The following TMEM132B variants were observed in gnomAD, a reference collection of about 807,000 sequenced individuals.
The protein encoded by TMEM132B is transmembrane protein 132B.
Under a neutral mutation model 90.8 loss-of-function variants are expected in TMEM132B, and 18 were observed. That is an observed-to-expected ratio of 0.20 (90% CI 0.14 to 0.29). The LOEUF (loss-of-function observed/expected upper bound fraction) is 0.29, where lower values mean the gene tolerates loss of function less well. Ranked by LOEUF, TMEM132B falls within the 10% of genes least tolerant of loss-of-function variation. The pLI is 1.00. For missense variants in TMEM132B, 1,096 were observed against 1,326.8 expected (o/e 0.83, Z 2.70); for synonymous variants, 504 against 523.3 (o/e 0.96, Z 0.50).
At chr12:125,643,927 C>A (rs920676505) in intron 5 of TMEM132B, 149 bp from the exon 6 acceptor site, 3 of 676,308 alleles carry the variant, frequency 4.4e-6, no homozygotes, top group Non-Finnish European at 5.0e-6. Context: ...TTAGTGCCTA[C>A]AAATTACCTT....
intron 6 of TMEM132B, among the ~76,000 whole-genome samples, chr12:125,649,106 C>T (rs149772836): frequency 8.5e-5 from 13 of 152,288 alleles, no homozygotes; most frequent in East Asian, 3.9e-4. Flanking sequence ...CTCTTACTCA[C>T]GGAGATACTC....
At position 125,548,248 on chromosome 12, in the gene TMEM132B, G is replaced by T. The variant is rs181879071; in HGVS notation, c.1293+28623G>T. 7.2e-5 allele frequency among the ~76,000 whole-genome samples: 11 copies of T among 152,234 alleles called. 1 individual carries two copies. The East Asian group carries it at 2.1e-3, about 29-fold the overall frequency. Reference sequence around the variant, plus strand: ...ATGTCACTTCTTTTCACAACTCATTGGTGTTAACAGTCACAGGCCTCCCCT... The same window carrying T: ...ATGTCACTTCTTTTCACAACTCATTTGTGTTAACAGTCACAGGCCTCCCCT... On this transcript the variant is annotated intron_variant, in intron 4 of 8. Coordinates refer to ENST00000682704, the MANE Select transcript of TMEM132B (RefSeq NM_001366854.1).
intron 2 of TMEM132B, among the ~76,000 whole-genome samples, chr12:125,411,171 GGAGTGGAGT>G (rs1879822836): frequency 1.7e-5 from 2 of 116,672 alleles, no homozygotes; most frequent in East Asian, 2.8e-4. Flanking sequence ...GGAGTGGAGT[GGAGTGGAGT>G]GAGTGGAGGA....
chr12:125,603,750 C>G (rs1334235521), intron 5 of TMEM132B, among the ~76,000 whole-genome samples: 1 of 152,026 alleles, frequency 6.6e-6, no homozygotes, highest in South Asian at 2.1e-4. Context: ...ATCAAATTTA[C>G]AAGAAAAAAA....
At chr12:125,248,000 G>T (rs142199548) in intron 1 of TMEM132B, among the ~76,000 whole-genome samples, 58 of 152,326 alleles carry the variant, frequency 3.8e-4, no homozygotes, top group African/African-American at 1.3e-3. Flanking sequence ...TGTGGCTTTG[G>T]ATTAGCGCAT....
At chr12:125,419,153 C>G (rs772574410) in intron 3 of TMEM132B, among the ~76,000 whole-genome samples, 8 of 152,172 alleles carry the variant, frequency 5.3e-5, no homozygotes, top group African/African-American at 1.9e-4. Context: ...AGAGGATAGG[C>G]AAGCAAAAGC....
At position 125,287,936 on chromosome 12, in the gene TMEM132B, C is replaced by T. The variant is rs190644220; in HGVS notation, c.68-61516C>T. On this transcript the variant is annotated intron_variant, in intron 1 of 8. Transcript: ENST00000682704. Reference sequence around the variant, plus strand: ...AGGCTGGAGTGCAATGGCGCGATCTCGGCTCACTGCAACCTCTGCCTCCCG... The same window carrying T: ...AGGCTGGAGTGCAATGGCGCGATCTTGGCTCACTGCAACCTCTGCCTCCCG... 6.4e-3 allele frequency among the ~76,000 whole-genome samples: 971 copies of T among 152,108 alleles called. 7 individuals are homozygous for T. Among genetic ancestry groups the T allele is most frequent in the Admixed American group, 0.013 (198 of 15,288 alleles).
chr12:125,387,111 C>T (rs905676364), intron 2 of TMEM132B, among the ~76,000 whole-genome samples: 2 of 114,988 alleles, frequency 1.7e-5, no homozygotes, highest in African/African-American at 3.4e-5. Context: ...AGAAAGAAGT[C>T]TTCTATCTTA....
chr12:125,361,362 G>A (rs750292965), intron 2 of TMEM132B, among the ~76,000 whole-genome samples: 33 of 152,076 alleles, frequency 2.2e-4, no homozygotes, highest in Admixed American at 7.9e-4. Context: ...ACCCAGATCG[G>A]CCCACTTCAA....
chr12:125,297,417 G>GA (rs1485074993), intron 1 of TMEM132B, among the ~76,000 whole-genome samples: 1 of 152,136 alleles, frequency 6.6e-6, no homozygotes, highest in Non-Finnish European at 1.5e-5. Context: ...GCGTCCTGGG[G>GA]AAAATGGCCA....
At chr12:125,515,334 A>G (rs893844477) in intron 3 of TMEM132B, among the ~76,000 whole-genome samples, 4 of 152,088 alleles carry the variant, frequency 2.6e-5, no homozygotes, top group Admixed American at 6.5e-5. Flanking sequence ...CAGAAACAAC[A>G]CATTCTGTCA....
chr12:125,306,094 A>C (rs1207298218), intron 1 of TMEM132B, among the ~76,000 whole-genome samples: 1 of 152,232 alleles, frequency 6.6e-6, no homozygotes, highest in South Asian at 2.1e-4. Context: ...TAGCTGGCCA[A>C]CTGGAAGCTT....
Position 125,350,220 on chromosome 12 carries a change from C to T in TMEM132B, c.836C>T (p.Ser279Phe). 1 of 1,614,100 alleles carries T rather than the reference C, an allele frequency of 6.2e-7. No homozygotes were observed. The highest frequency in any genetic ancestry group is 8.5e-7 in the Non-Finnish European group (1 of 1,180,026). Residue 279 changes from serine (S) to phenylalanine (F), a missense_variant, in exon 2 of 9, where the codon TCC becomes TTC. By Grantham distance (155) the Ser-to-Phe change is radical (BLOSUM62 -2). Coordinates refer to ENST00000682704, the MANE Select transcript of TMEM132B (RefSeq NM_001366854.1). ...CCAACCCAAGATGATCTGAAGTGGT[C>T]CCTGGTGAGCTTGGACGAGAATGTG... ...VYPTQDDLKWSLVSLDENVVI... is the reference protein window; with the variant it reads ...VYPTQDDLKWFLVSLDENVVI...
chr12:125,259,012 T>C (rs891619696), intron 1 of TMEM132B, among the ~76,000 whole-genome samples: 1 of 152,090 alleles, frequency 6.6e-6, no homozygotes, highest in Non-Finnish European at 1.5e-5. Flanking sequence ...CCATGGCCAG[T>C]TGGGATGGAC....
intron 1 of TMEM132B, among the ~76,000 whole-genome samples, chr12:125,195,123 A>G (rs928329399): frequency 6.6e-6 from 1 of 151,962 alleles, no homozygotes; most frequent in Non-Finnish European, 1.5e-5. Context: ...ACTCCCTCCA[A>G]TTTGCATCCT....
At chr12:125,517,348 T>G (rs865783221) in intron 3 of TMEM132B, among the ~76,000 whole-genome samples, 4,555 of 66,454 alleles carry the variant, frequency 0.069, 832 homozygotes, top group African/African-American at 0.26. Context: ...TTTTTTTTTT[T>G]TTTTTTTTTT....
At chr12:125,233,012 A>T (rs77268816) in intron 1 of TMEM132B, among the ~76,000 whole-genome samples, 8 of 152,130 alleles carry the variant, frequency 5.3e-5, no homozygotes, top group Admixed American at 2.6e-4. Flanking sequence ...ATTCCATACC[A>T]CTGTGAGTGT....
At chr12:125,633,519 T>C (rs1205711905) in intron 5 of TMEM132B, among the ~76,000 whole-genome samples, 1 of 152,222 alleles carries the variant, frequency 6.6e-6, no homozygotes, top group Non-Finnish European at 1.5e-5. Flanking sequence ...AAGAGTTAGG[T>C]ATTTATTATA....
rs1882192896 is a variant in TMEM132B at position 125,486,044 on chromosome 12, G to C, written c.1107-33395G>C. 2.0e-5 allele frequency among the ~76,000 whole-genome samples: 3 copies of C among 152,300 alleles called. No homozygotes were observed. The East Asian group carries it at 5.8e-4, about 29-fold the overall frequency. ...TGTGTGTGTGTATTAGGACAGTTGTGGGCAGAGTAGAGGTGGTATAGACAC... is the reference window on the plus strand; with the variant it reads ...TGTGTGTGTGTATTAGGACAGTTGTCGGCAGAGTAGAGGTGGTATAGACAC... On this transcript the variant is annotated intron_variant, in intron 3 of 8. Coordinates refer to ENST00000682704, the MANE Select transcript of TMEM132B (RefSeq NM_001366854.1).
Sources: gnomAD v4.1 joint callset for allele counts (sites outside exome capture counted in the v4.1 genomes callset) on GRCh38, gnomAD v4.1.1 for gene constraint, MANE v1.5 for transcripts, NCBI Gene and HGNC (gene_info 2026-07-23, HGNC 2026-07-21) for gene names.